The following OSBPL9 variants were observed in gnomAD, a reference collection of about 807,000 sequenced individuals.
The protein encoded by OSBPL9 is oxysterol binding protein like 9, also known as oxysterol-binding protein-related protein 9.
OSBPL9 carries 40 observed loss-of-function variants against 106.6 expected under a neutral mutation model. The ratio of observed to expected loss-of-function variants is 0.38; its 90% CI spans 0.29 to 0.49. OSBPL9 has a LOEUF of 0.49. OSBPL9 is among the 20% of genes least tolerant of loss of function. OSBPL9 has a pLI of 0.97. For missense variants in OSBPL9, 609 were observed against 887.2 expected, an observed-to-expected ratio of 0.69 and a Z score of 3.98; for synonymous variants, 269 against 295.4, an observed-to-expected ratio of 0.91 and a Z score of 0.92.
At chr1:51,546,979 C>A in the OSBPL9 span, among the ~76,000 whole-genome samples, 1 of 152,204 alleles carries the variant, frequency 6.6e-6, no homozygotes, top group Non-Finnish European at 1.5e-5. Context: ...TTTACATCTA[C>A]TAAGCTACAG....
In OSBPL9 at chr1:51,729,653, C is replaced by T. The variant is rs1424335840; in HGVS notation, c.318+15574C>T. On this transcript the variant is annotated intron_variant, in intron 4 of 23. Transcript: ENST00000428468. This position sits in a 1 kb window ranked among gnomAD's most constrained non-coding sequence, Gnocchi z 5.1. ...CCCGCGAGCTGCCAGCTCCCTCGGC[C>T]TCTCCACCCAAAACTGGCCCAACCG... 2.1e-5 allele frequency: 7 copies of T among 339,422 alleles called. No individual in the cohort carries two copies. The highest frequency in any genetic ancestry group is 2.9e-5 in the Non-Finnish European group (6 of 204,616). 21.0% of individuals were successfully genotyped at this position (339,422 alleles called of 1,614,324 possible).
intron 12 of OSBPL9, among the ~76,000 whole-genome samples, chr1:51,768,085 G>T (rs1330714096): frequency 2.0e-5 from 3 of 151,670 alleles, no homozygotes; most frequent in African/African-American, 7.3e-5. Flanking sequence ...GGGACTACAG[G>T]CGCCCGCCAC....
At chr1:51,617,031 CTGCGGCCCCG>C, upstream of OSBPL9, 4 of 1,454,716 alleles carry the variant, frequency 2.7e-6, no homozygotes, top group Non-Finnish European at 1.9e-6. Context: ...GCCCCGCCCC[CTGCGGCCCCG>C]CCCCCCGCAT....
At chr1:51,726,603 A>G (rs1420071289) in intron 4 of OSBPL9, among the ~76,000 whole-genome samples, 2 of 148,302 alleles carry the variant, frequency 1.3e-5, no homozygotes, top group African/African-American at 4.9e-5. Context: ...GGCACGGCCT[A>G]TTTTTTTTTT....
the OSBPL9 span, among the ~76,000 whole-genome samples, chr1:51,560,063 G>C: frequency 6.6e-6 from 1 of 152,170 alleles, no homozygotes; most frequent in Non-Finnish European, 1.5e-5. Context: ...AGAGAAGCAA[G>C]AAAGTATAAA....
chr1:51,652,275 A>G (rs1231567003), intron 2 of OSBPL9, among the ~76,000 whole-genome samples: 1 of 152,174 alleles, frequency 6.6e-6, no homozygotes, highest in Non-Finnish European at 1.5e-5. Context: ...GACTTAATGC[A>G]TGTTCTGATT....
intron 1 of OSBPL9, among the ~76,000 whole-genome samples, chr1:51,586,918 TCA>T (rs1199623982): frequency 6.6e-6 from 1 of 152,180 alleles, no homozygotes; most frequent in Admixed American, 6.5e-5. Flanking sequence ...GGCACCCTGG[TCA>T]CAGTTTTCCT....
rs149057959 is a variant in OSBPL9, at chr1:51,788,060, C to A, written c.*271C>A. ...GTCTTCTCCTTTTCCAAACACCACA[C>A]GTTGAAAGCATTTATAAATCCAAGT... On this transcript the variant is annotated 3_prime_UTR_variant, in exon 24 of 24. Coordinates refer to ENST00000428468, the MANE Select transcript of OSBPL9 (RefSeq NM_024586.6). 7.2e-5 allele frequency: 32 copies of A among 443,056 alleles called. No homozygotes were observed. The highest frequency in any genetic ancestry group is 1.1e-4 in the Non-Finnish European group (28 of 244,738). The allele number at this position is 443,056 out of a possible 1,614,324, so 27.4% of individuals were successfully genotyped here.
At chr1:51,623,234 C>G (rs1469111422) in intron 1 of OSBPL9, among the ~76,000 whole-genome samples, 2 of 151,968 alleles carry the variant, frequency 1.3e-5, no homozygotes, top group African/African-American at 2.4e-5. Context: ...GGAGGTTATT[C>G]AAGATGTTTC....
At chr1:51,730,329 A>AT (rs1664098049) in intron 4 of OSBPL9, among the ~76,000 whole-genome samples, 2 of 152,108 alleles carry the variant, frequency 1.3e-5, no homozygotes, top group Non-Finnish European at 2.9e-5. Context: ...TCAGAATATG[A>AT]TTTTAAGCAG....
intron 7 of OSBPL9, 129 bp downstream of exon 7, chr1:51,748,527 G>A: frequency 2.9e-6 from 3 of 1,027,566 alleles, no homozygotes; most frequent in Non-Finnish European, 3.8e-6. Context: ...ATACAGGGGT[G>A]CTTAAGCATT....
intron 6 of OSBPL9, among the ~76,000 whole-genome samples, chr1:51,747,459 A>T (rs1668221300): frequency 6.7e-6 from 1 of 149,430 alleles, no homozygotes; most frequent in Non-Finnish European, 1.5e-5. Flanking sequence ...TGCTTTAATT[A>T]TGGTTCTGCT....
chr1:51,748,830 A>G (rs1435104459), intron 7 of OSBPL9, among the ~76,000 whole-genome samples: 1 of 152,144 alleles, frequency 6.6e-6, no homozygotes, highest in Non-Finnish European at 1.5e-5. Context: ...TCACACCTGT[A>G]ATCCCAGCAC....
chr1:51,721,202 T>A (rs1463374792), intron 4 of OSBPL9, among the ~76,000 whole-genome samples: 1 of 151,816 alleles, frequency 6.6e-6, no homozygotes, highest in East Asian at 1.9e-4. Context: ...AAGGCCATGA[T>A]ACCTTGTATA....
the OSBPL9 span, among the ~76,000 whole-genome samples, chr1:51,552,664 G>A: frequency 6.6e-6 from 1 of 151,728 alleles, no homozygotes; most frequent in Non-Finnish European, 1.5e-5. Context: ...TCATGCTGTT[G>A]CCCAGATTGG....
intron 1 of OSBPL9, among the ~76,000 whole-genome samples, chr1:51,586,163 G>A (rs1199777823): frequency 6.6e-6 from 1 of 151,778 alleles, no homozygotes; most frequent in African/African-American, 2.4e-5. Context: ...AACAGAGTGA[G>A]ACTGTGTCTC....
At chr1:51,696,028 G>A (rs542563401) in intron 3 of OSBPL9, among the ~76,000 whole-genome samples, 2 of 152,296 alleles carry the variant, frequency 1.3e-5, no homozygotes, top group East Asian at 3.9e-4. Flanking sequence ...TTTGGACGCT[G>A]ATTATTGCTG....
chr1:51,695,272 T>C (rs954267274), intron 3 of OSBPL9, among the ~76,000 whole-genome samples: 5 of 152,210 alleles, frequency 3.3e-5, no homozygotes, highest in African/African-American at 4.8e-5. Flanking sequence ...CCAGTTCTGA[T>C]TGGTGCCATT....
At chr1:51,575,084 C>T (rs1645175252), upstream of OSBPL9, among the ~76,000 whole-genome samples, 1 of 152,230 alleles carries the variant, frequency 6.6e-6, no homozygotes, top group African/African-American at 2.4e-5. Flanking sequence ...CCCAGAGTCA[C>T]AGGGCAATTT....
Sources: gnomAD v4.1 joint callset for allele counts (sites outside exome capture counted in the v4.1 genomes callset) on GRCh38, gnomAD v4.1.1 for gene constraint, Gnocchi (gnomAD v3.1) non-coding constraint, MANE v1.5 for transcripts, NCBI Gene and HGNC (gene_info 2026-07-23, HGNC 2026-07-21) for gene names.